The following LRCH4 variants were observed in gnomAD, a reference collection of about 807,000 sequenced individuals.
LRCH4 encodes leucine rich repeats and calponin homology domain containing 4.
LRCH4 carries 56 observed loss-of-function variants against 81.2 expected under a neutral mutation model. The observed-to-expected ratio is 0.69, with a 90% CI of 0.56 to 0.86. The LOEUF (loss-of-function observed/expected upper bound fraction) is 0.86, where lower values mean the gene tolerates loss of function less well. Ranked by LOEUF, LRCH4 falls within the 40% of genes least tolerant of loss-of-function variation. The pLI, the probability that LRCH4 is intolerant of heterozygous loss-of-function variation, is 0.00. For synonymous variants in LRCH4, 442 were observed against 409.7 expected, an observed-to-expected ratio of 1.08 and a Z score of -0.95; for missense variants, 895 against 922.8, an observed-to-expected ratio of 0.97 and a Z score of 0.39.
chr7:100,577,099 G>T lies in LRCH4; in HGVS notation c.1351C>A (p.Gln451Lys). The change falls in exon 12 of 18, where the codon CAA (glutamine) becomes AAA (lysine). Residue 451 changes from glutamine (Q) to lysine (K), a missense_variant. Around this residue, in one of 3 missense-constraint regions of LRCH4, gnomAD observed 529 missense variants for 504.9 expected, o/e 1.05. Coordinates refer to ENST00000310300, the MANE Select transcript of LRCH4 (RefSeq NM_002319.5). This position sits in a 1 kb window ranked among gnomAD's most constrained non-coding sequence, Gnocchi z 6.7. ...VVGGAAAVST[Q>K]AMHNGSPKSS... is the part of the protein sequence containing the mutation. Reference sequence around the variant, plus strand: ...CAGGAAACCTACTTGTGCATGGCTTGAGTGGACACGGCGGCGGCCCCTCCC... The same window carrying T: ...CAGGAAACCTACTTGTGCATGGCTTTAGTGGACACGGCGGCGGCCCCTCCC... 6.2e-7 allele frequency: 1 copy of T among 1,614,162 alleles called. No individual in the cohort carries two copies. The highest frequency in any genetic ancestry group is 8.5e-7 in the Non-Finnish European group (1 of 1,180,012).
At position 100,583,761 on chromosome 7, in the gene LRCH4, G is replaced by C. The variant is rs1333186652; in HGVS notation, c.221-1302C>G. 6.6e-6 allele frequency among the ~76,000 whole-genome samples: 1 copy of C among 152,146 alleles called. No homozygotes were observed. Among genetic ancestry groups the C allele is most frequent in the Non-Finnish European group, 1.5e-5 (1 of 68,028 alleles). On this transcript the variant is annotated intron_variant, in intron 1 of 17. Transcript: ENST00000310300. This position sits in a 1 kb window ranked among gnomAD's most constrained non-coding sequence, Gnocchi z 4.3. ...GATGACCGTTCTGGAGAGGGTGGGG[G>C]GATGGCATTTGCCCCTCCCAGCCTC...
At chr7:100,579,306 GCA>G (rs1801462609) in intron 4 of LRCH4, 1 of 157,752 alleles carries the variant, frequency 6.3e-6, no homozygotes, top group South Asian at 1.8e-4. Context: ...TCTTAAAAAG[GCA>G]CAGTCTGGGA....
At position 100,577,577 on chromosome 7, in the gene LRCH4, A is replaced by G; in HGVS notation, c.1117-19T>C. 6.2e-7 allele frequency: 1 copy of G among 1,611,334 alleles called. No individual in the cohort carries two copies. On this transcript the variant is annotated intron_variant, in intron 9 of 17. Coordinates refer to ENST00000310300, the MANE Select transcript of LRCH4 (RefSeq NM_002319.5). This position sits in a 1 kb window ranked among gnomAD's most constrained non-coding sequence, Gnocchi z 6.7. The stretch of plus-strand genomic sequence containing the variant: ...GCTGCTCCTAAGGAGAGAACAGCAG[A>G]GCAGCTGAGGGCAGGCCTGTGCCCA...
At chr7:100,576,501 C>T (rs950160814) in intron 14 of LRCH4, 178 bp from the exon 15 acceptor site, 21 of 666,492 alleles carry the variant, frequency 3.2e-5, no homozygotes, top group South Asian at 5.7e-5. Context: ...TGGGCTCAAG[C>T]GATCCTCCCA....
At position 100,578,076 on chromosome 7, in the gene LRCH4, A is replaced by T; in HGVS notation, c.948+83T>A. 2 of 1,429,498 alleles carry T rather than the reference A, an allele frequency of 1.4e-6. No homozygotes were observed. The highest frequency in any genetic ancestry group is 2.0e-6 in the Non-Finnish European group (2 of 1,018,254). 88.6% of individuals were successfully genotyped at this position (1,429,498 alleles called of 1,614,324 possible). A position where few individuals can be genotyped will look rare whatever the true frequency, so the allele number is the denominator to read the frequency against. On this transcript the variant is annotated intron_variant, in intron 7 of 17. Transcript: ENST00000310300. This position sits in a 1 kb window ranked among gnomAD's most constrained non-coding sequence, Gnocchi z 5.7. The stretch of plus-strand genomic sequence containing the variant: ...AGGACAGCTCCAGCCTCTGCCTGGC[A>T]CCCTGCAATTTGGAGGTCCCCAGTT...
intron 1 of LRCH4, 135 bp downstream of exon 1, chr7:100,585,746 T>A: frequency 2.2e-6 from 2 of 897,554 alleles, no homozygotes; most frequent in Non-Finnish European, 3.2e-6. Context: ...TGGCTGCAGG[T>A]TTAGGGCAAT....
At position 100,576,464 on chromosome 7, in the gene LRCH4, AT is replaced by A. The variant is rs1801363406; in HGVS notation, c.1553-142del. On this transcript the variant is annotated intron_variant, in intron 14 of 17. Coordinates refer to ENST00000310300, the MANE Select transcript of LRCH4 (RefSeq NM_002319.5). Reference sequence around the variant, plus strand: ...TATTTCATGGAGATGGGGTCTCGCTATGTTGCCCAGGCTGGTCTTGAATTCC... The same window carrying A: ...TATTTCATGGAGATGGGGTCTCGCTAGTTGCCCAGGCTGGTCTTGAATTCC... 13 of 683,112 alleles carry A rather than the reference AT, an allele frequency of 1.9e-5. No homozygotes were observed. In the South Asian group the frequency reaches 2.2e-4, roughly 12 times the overall value. 42.3% of individuals were successfully genotyped at this position (683,112 alleles called of 1,614,324 possible).
At chr7:100,585,852 G>A (rs745685225) in intron 1 of LRCH4, 29 bp downstream of exon 1, 148 of 1,538,902 alleles carry the variant, frequency 9.6e-5, no homozygotes, top group Non-Finnish European at 1.3e-4. Flanking sequence ...TGAGGGACCC[G>A]GTTGGGCCCG....
Position 100,578,078 on chromosome 7 carries a change from C to T in LRCH4, c.948+81G>A. 2 of 1,442,836 alleles carry T rather than the reference C, an allele frequency of 1.4e-6. No homozygotes were observed. The highest frequency in any genetic ancestry group is 1.9e-6 in the Non-Finnish European group (2 of 1,029,908). The allele number at this position is 1,442,836 out of a possible 1,614,324, so 89.4% of individuals were successfully genotyped here. A position where few individuals can be genotyped will look rare whatever the true frequency, so the allele number is the denominator to read the frequency against. Reference sequence around the variant, plus strand: ...GACAGCTCCAGCCTCTGCCTGGCACCCTGCAATTTGGAGGTCCCCAGTTCA... The same window carrying T: ...GACAGCTCCAGCCTCTGCCTGGCACTCTGCAATTTGGAGGTCCCCAGTTCA... On this transcript the variant is annotated intron_variant, in intron 7 of 17. Transcript: ENST00000310300. This position sits in a 1 kb window ranked among gnomAD's most constrained non-coding sequence, Gnocchi z 5.7.
Position 100,577,433 on chromosome 7 carries a change from G to A in LRCH4, c.1179-44C>T, listed in dbSNP as rs1270668961. The A allele has an allele frequency of 1.2e-6, 2 of 1,601,062 alleles. No homozygotes were observed. The highest frequency in any genetic ancestry group is 1.1e-5 in the South Asian group (1 of 91,070). ...GCAAGAGGGGCAGACCCCGGGGTCA[G>A]GGAAGGAGGCGGTTGGGGGGTGGGA... On this transcript the variant is annotated intron_variant, in intron 10 of 17. Coordinates refer to ENST00000310300, the MANE Select transcript of LRCH4 (RefSeq NM_002319.5). This position sits in a 1 kb window ranked among gnomAD's most constrained non-coding sequence, Gnocchi z 6.7.
At chr7:100,585,200 G>A (rs1801689658) in intron 1 of LRCH4, 1 of 191,396 alleles carries the variant, frequency 5.2e-6, no homozygotes, top group East Asian at 1.6e-4. Flanking sequence ...ATCCCTATGA[G>A]GTCACAGGCT....
chr7:100,576,345 G>A (rs775527235), intron 14 of LRCH4, 22 bp from the exon 15 acceptor site: 1 of 1,573,282 alleles, frequency 6.4e-7, no homozygotes, highest in South Asian at 1.1e-5. Context: ...AGGGGGGCAT[G>A]GGGCTGCCTC....
Position 100,575,264 on chromosome 7 carries a change from G to A in LRCH4, c.1895C>T (p.Ala632Val). The change falls in exon 18 of 18, where the codon GCC becomes GTC. Residue 632 changes from alanine (A) to valine (V), a missense_variant. Physicochemically the swap from Ala to Val is moderately conservative, Grantham distance 64. This residue lies in a region of LRCH4 where 529 missense variants were observed against 504.9 expected (regional missense o/e 1.05). Coordinates refer to ENST00000310300, the MANE Select transcript of LRCH4 (RefSeq NM_002319.5). This position sits in a 1 kb window ranked among gnomAD's most constrained non-coding sequence, Gnocchi z 5.3. Reference sequence around the variant, plus strand: ...CTCCAGCGCGGTCCGCAGCCCCCGGGCAGTGCCCTGGAGGAGATCCGAGGG... The same window carrying A: ...CTCCAGCGCGGTCCGCAGCCCCCGGACAGTGCCCTGGAGGAGATCCGAGGG... ...CSPSDLLQGT[A>V]RGLRTALEAV... 5.7e-6 allele frequency: 9 copies of A among 1,577,480 alleles called. No homozygotes were observed. The highest frequency in any genetic ancestry group is 1.3e-5 in the African/African-American group (1 of 74,406).
chr7:100,580,691 A>C (rs1400038613), intron 4 of LRCH4: 1 of 151,744 alleles, frequency 6.6e-6, no homozygotes, highest in Non-Finnish European at 1.5e-5. Flanking sequence ...CATAACACAG[A>C]CATAAACACA....
rs1801427975 is a variant in LRCH4, at chr7:100,578,061, C to T, written c.948+98G>A. ...GCAGAGGGAAGGAAGAGGACAGCTC[C>T]AGCCTCTGCCTGGCACCCTGCAATT... On this transcript the variant is annotated intron_variant, in intron 7 of 17. Coordinates refer to ENST00000310300, the MANE Select transcript of LRCH4 (RefSeq NM_002319.5). This position sits in a 1 kb window ranked among gnomAD's most constrained non-coding sequence, Gnocchi z 5.7. The T allele has an allele frequency of 7.4e-7, 1 of 1,353,988 alleles. No individual in the cohort carries two copies. The highest frequency in any genetic ancestry group is 1.0e-6 in the Non-Finnish European group (1 of 955,298). 83.9% of individuals were successfully genotyped at this position (1,353,988 alleles called of 1,614,324 possible). A position where few individuals can be genotyped will look rare whatever the true frequency, so the allele number is the denominator to read the frequency against.
intron 4 of LRCH4, chr7:100,581,550 G>GCCATC: frequency 2.1e-6 from 1 of 476,100 alleles, no homozygotes; most frequent in Non-Finnish European, 3.8e-6. Flanking sequence ...TCTGCTCTCC[G>GCCATC]CCATCGGAGA....
At position 100,577,459 on chromosome 7, in the gene LRCH4, G is replaced by A. The variant is rs1165032139; in HGVS notation, c.1178+38C>T. On this transcript the variant is annotated intron_variant, in intron 10 of 17. Coordinates refer to ENST00000310300, the MANE Select transcript of LRCH4 (RefSeq NM_002319.5). The surrounding 1 kb of genome is among the most constrained non-coding windows in gnomAD (Gnocchi z 6.7). ...GGAAGGAGGCGGTTGGGGGGTGGGA[G>A]GATCGGGCAGTGGCGTCAGTTTGGG... 1 of 1,603,602 alleles carries A rather than the reference G, an allele frequency of 6.2e-7. No homozygotes were observed. The highest frequency in any genetic ancestry group is 1.1e-5 in the South Asian group (1 of 91,082).
chr7:100,579,032 C>T, intron 4 of LRCH4: 1 of 533,642 alleles, frequency 1.9e-6, no homozygotes, highest in Non-Finnish European at 3.3e-6. Context: ...CCCGGGAAGG[C>T]CCATCCGGAC....
rs760020692 is a variant in LRCH4 at position 100,575,861 on chromosome 7, C to T, written c.1776+10G>A. The T allele has an allele frequency of 6.2e-7, 1 of 1,612,928 alleles. No individual in the cohort carries two copies. The highest frequency in any genetic ancestry group is 8.5e-7 in the Non-Finnish European group (1 of 1,179,250). ...GCCCATCCCCCACCTCTTCCCCAGCCCCAACTGACCACAGCAGGGGAGGGC... is the reference window on the plus strand; with the variant it reads ...GCCCATCCCCCACCTCTTCCCCAGCTCCAACTGACCACAGCAGGGGAGGGC... On this transcript the variant is annotated intron_variant, in intron 16 of 17. Coordinates refer to ENST00000310300, the MANE Select transcript of LRCH4 (RefSeq NM_002319.5). This position sits in a 1 kb window ranked among gnomAD's most constrained non-coding sequence, Gnocchi z 5.3.
Sources: allele counts gnomAD v4.1 joint callset (sites outside exome capture counted in the v4.1 genomes callset), GRCh38; gene constraint gnomAD v4.1.1; regional missense constraint gnomAD v4.1.1; non-coding constraint Gnocchi (gnomAD v3.1); transcripts MANE v1.5; gene names NCBI Gene and HGNC (gene_info 2026-07-23, HGNC 2026-07-21).